ADAMTSL1: variants seen among roughly 807,000 people sequenced by gnomAD.
ADAMTSL1 encodes ADAMTS like 1.
Under a neutral mutation model 201.8 loss-of-function variants are expected in ADAMTSL1, and 126 were observed. The ratio of observed to expected loss-of-function variants is 0.62; its 90% CI spans 0.54 to 0.72. ADAMTSL1 has a LOEUF of 0.72. ADAMTSL1 is among the 30% of genes least tolerant of loss of function. The pLI, the probability that ADAMTSL1 is intolerant of heterozygous loss-of-function variation, is 0.00. For synonymous variants in ADAMTSL1, 1,121 were observed against 903.4 expected (o/e 1.24, Z -4.32); for missense variants, 2,679 against 2,277.8 (o/e 1.18, Z -3.59).
chr9:18,346,193 G>A (rs1034182618), intron 2 of ADAMTSL1, among the ~76,000 whole-genome samples: 5 of 152,074 alleles, frequency 3.3e-5, no homozygotes, highest in African/African-American at 4.8e-5. Flanking sequence ...ATGATGAGAC[G>A]ATGAGGTAAT....
At chr9:18,155,275 A>G (rs72701512) in intron 1 of ADAMTSL1, among the ~76,000 whole-genome samples, 1 of 152,198 alleles carries the variant, frequency 6.6e-6, no homozygotes, top group Non-Finnish European at 1.5e-5. Flanking sequence ...ATGAAATTAA[A>G]TTCATTGCAC....
At chr9:18,219,520 C>T (rs542422532) in intron 2 of ADAMTSL1, among the ~76,000 whole-genome samples, 2 of 151,916 alleles carry the variant, frequency 1.3e-5, no homozygotes. Context: ...AAGGATGCAC[C>T]ACCGTGCCTG....
intron 1 of ADAMTSL1, among the ~76,000 whole-genome samples, chr9:18,034,423 G>T (rs776349129): frequency 7.2e-5 from 11 of 152,140 alleles, no homozygotes; most frequent in Non-Finnish European, 1.0e-4. Context: ...CTATTAGCCA[G>T]TCAGCCTCCT....
chr9:18,240,231 T>A (rs2132445248), intron 2 of ADAMTSL1, among the ~76,000 whole-genome samples: 1 of 152,302 alleles, frequency 6.6e-6, no homozygotes, highest in East Asian at 1.9e-4. Context: ...GGCTACAGAA[T>A]GGATGTTGTA....
chr9:18,375,600 T>G (rs1421843806), intron 2 of ADAMTSL1, among the ~76,000 whole-genome samples: 1 of 152,228 alleles, frequency 6.6e-6, no homozygotes, highest in Non-Finnish European at 1.5e-5. Context: ...GGTGAGTTTG[T>G]GGTCTCGCTG....
At chr9:18,583,702 C>G (rs1208807824) in intron 4 of ADAMTSL1, among the ~76,000 whole-genome samples, 1 of 152,176 alleles carries the variant, frequency 6.6e-6, no homozygotes, top group Non-Finnish European at 1.5e-5. Flanking sequence ...CCTGCAGAGC[C>G]ACCAGGACGG....
intron 8 of ADAMTSL1, 98 bp from the exon 9 acceptor site, chr9:18,661,837 G>A (rs1275605902): frequency 3.1e-6 from 4 of 1,271,152 alleles, no homozygotes; most frequent in Non-Finnish European, 4.2e-6. Flanking sequence ...AAGGCATTGG[G>A]GAATAATTTC....
intron 1 of ADAMTSL1, among the ~76,000 whole-genome samples, chr9:18,093,759 G>A (rs1824126416): frequency 6.6e-6 from 1 of 152,126 alleles, no homozygotes; most frequent in South Asian, 2.1e-4. Flanking sequence ...TTTGGTCTTG[G>A]AAGAGAAAGA....
intron 18 of ADAMTSL1, 135 bp downstream of exon 18, chr9:18,776,031 G>C: frequency 8.3e-7 from 1 of 1,209,580 alleles, no homozygotes; most frequent in Non-Finnish European, 1.1e-6. Context: ...GAGGGCTGCA[G>C]GCAGGAGAGC....
intron 1 of ADAMTSL1, among the ~76,000 whole-genome samples, chr9:18,092,531 G>A (rs1450566898): frequency 6.6e-6 from 1 of 152,116 alleles, no homozygotes; most frequent in Non-Finnish European, 1.5e-5. Context: ...TTTTCTTGAT[G>A]TGGATAATTG....
rs1293117194 is a variant in ADAMTSL1, at chr9:18,681,968, A to G, written c.1489+9A>G. The G allele has an allele frequency of 6.2e-7, 1 of 1,613,814 alleles. No individual in the cohort carries two copies. The highest frequency in any genetic ancestry group is 8.5e-7 in the Non-Finnish European group (1 of 1,179,858). Reference sequence around the variant, plus strand: ...CTGCTATAAACCCAAAGGTAACTTGACAGGTGCTCTATTACCAGCCTGTTA... The same window carrying G: ...CTGCTATAAACCCAAAGGTAACTTGGCAGGTGCTCTATTACCAGCCTGTTA... On this transcript the variant is annotated intron_variant, in intron 12 of 28. Coordinates refer to ENST00000380548, the MANE Select transcript of ADAMTSL1 (RefSeq NM_001040272.6).
At chr9:18,100,733 A>T (rs1395413915) in intron 1 of ADAMTSL1, among the ~76,000 whole-genome samples, 1 of 152,170 alleles carries the variant, frequency 6.6e-6, no homozygotes, top group Non-Finnish European at 1.5e-5. Context: ...TGAATATCAC[A>T]GGTGCCATCC....
intron 13 of ADAMTSL1, among the ~76,000 whole-genome samples, chr9:18,696,285 G>A (rs1324919439): frequency 6.6e-6 from 1 of 152,186 alleles, no homozygotes; most frequent in African/African-American, 2.4e-5. Flanking sequence ...AAGGGAAGAG[G>A]GTGATCCAGG....
intron 2 of ADAMTSL1, among the ~76,000 whole-genome samples, chr9:18,183,017 A>G (rs1490333639): frequency 6.6e-6 from 1 of 152,190 alleles, no homozygotes; most frequent in African/African-American, 2.4e-5. Context: ...AGATGATTCT[A>G]AAGCCATTAA....
chr9:18,042,557 G>A (rs1387283309), intron 1 of ADAMTSL1, among the ~76,000 whole-genome samples: 1 of 152,044 alleles, frequency 6.6e-6, no homozygotes, highest in Non-Finnish European at 1.5e-5. Flanking sequence ...CGATAACAAA[G>A]CTCACTTCTT....
chr9:18,817,029 G>T (rs1396817245), intron 20 of ADAMTSL1, 80 bp from the exon 21 acceptor site: 3 of 1,541,636 alleles, frequency 1.9e-6, no homozygotes, highest in Non-Finnish European at 2.6e-6. Context: ...ATGCATTGGT[G>T]GTTAGCCCAT....
rs551519858 is a variant in ADAMTSL1, at chr9:18,681,705, G to T, written c.1342-107G>T. ...TACCAGGAGTCCTCGTGTGGGGGGG[G>T]GGGGCGGGGAAAAAGAAAACTTAGA... On this transcript the variant is annotated intron_variant, in intron 11 of 28. Transcript: ENST00000380548. The T allele has an allele frequency of 6.5e-4, 471 of 721,086 alleles. 20 individuals are homozygous for T. The highest frequency in any genetic ancestry group is 4.6e-3 in the Middle Eastern group (10 of 2,162). 44.7% of individuals were successfully genotyped at this position (721,086 alleles called of 1,614,324 possible).
intron 2 of ADAMTSL1, among the ~76,000 whole-genome samples, chr9:18,297,775 G>A (rs1235150191): frequency 6.6e-6 from 1 of 152,202 alleles, no homozygotes; most frequent in Non-Finnish European, 1.5e-5. Context: ...GAAAGGGAGA[G>A]AAGTGTTTAA....
At chr9:18,719,863 G>A (rs1178633892) in intron 14 of ADAMTSL1, among the ~76,000 whole-genome samples, 1 of 152,194 alleles carries the variant, frequency 6.6e-6, no homozygotes, top group Middle Eastern at 3.2e-3. Context: ...GAGGAGAGCA[G>A]CATGGTGGGT....
Sources: gnomAD v4.1 joint callset for allele counts (sites outside exome capture counted in the v4.1 genomes callset) on GRCh38, gnomAD v4.1.1 for gene constraint, MANE v1.5 for transcripts, NCBI Gene and HGNC (gene_info 2026-07-23, HGNC 2026-07-21) for gene names.